LRP1B: variants seen among roughly 807,000 people sequenced by gnomAD.
LRP1B encodes the protein low-density lipoprotein receptor-related protein 1B.
Under a neutral mutation model 556.6 loss-of-function variants are expected in LRP1B, and 217 were observed. That is an observed-to-expected ratio of 0.39 (90% confidence interval 0.35 to 0.44). LRP1B has a LOEUF of 0.44. LRP1B is among the 20% of genes least tolerant of loss of function. The pLI is 1.00. For synonymous variants in LRP1B, 2,047 were observed against 1,865.8 expected (o/e 1.10, Z -2.50); for missense variants, 5,053 against 5,620.8 (o/e 0.90, Z 3.23).
At position 140,516,970 on chromosome 2, in the gene LRP1B, G is replaced by A. The variant is rs2104939424; in HGVS notation, c.8068C>T (p.Pro2690Ser). Residue 2690 changes from proline (P) to serine (S), a missense_variant, in exon 50 of 91, where the codon CCT (proline) becomes TCT (serine). This residue lies in a region of LRP1B where 3,619 missense variants were observed against 3,931.9 expected (regional missense o/e 0.92). Coordinates refer to ENST00000389484, the MANE Select transcript of LRP1B (RefSeq NM_018557.3). ...HKCEENYFSC[P>S]SGRCILNTWI... ...GTATTCAAAATGCATCTTCCACTAGGACAACTAAAATAATTTTCTTCACAT... is the reference window on the plus strand; with the variant it reads ...GTATTCAAAATGCATCTTCCACTAGAACAACTAAAATAATTTTCTTCACAT... 6.2e-7 allele frequency: 1 copy of A among 1,600,242 alleles called. No individual in the cohort carries two copies. The highest frequency in any genetic ancestry group is 8.6e-7 in the Non-Finnish European group (1 of 1,167,616).
intron 35 of LRP1B, among the ~76,000 whole-genome samples, chr2:140,740,202 A>G (rs1688090264): frequency 6.6e-6 from 1 of 152,186 alleles, no homozygotes; most frequent in African/African-American, 2.4e-5. Context: ...TCATTATAAA[A>G]AGAGATCATA....
At position 141,019,943 on chromosome 2, in the gene LRP1B, A is replaced by T. The variant is rs1427245386; in HGVS notation, c.1949T>A (p.Ile650Asn). 1 of 1,604,242 alleles carries T rather than the reference A, an allele frequency of 6.2e-7. No homozygotes were observed. Among genetic ancestry groups the T allele is most frequent in the African/African-American group, 1.3e-5 (1 of 74,544 alleles). ...LEGEMSHPRGIVVDPVNGWMY... is the reference protein window; with the variant it reads ...LEGEMSHPRGNVVDPVNGWMY... Reference sequence around the variant, plus strand: ...ATACCCATTAACTGGATCCACCACAATTCCTCTGGGATGAGACATTTCACC... The same window carrying T: ...ATACCCATTAACTGGATCCACCACATTTCCTCTGGGATGAGACATTTCACC... The change falls in exon 12 of 91, where the codon ATT becomes AAT. Residue 650 changes from isoleucine to asparagine, a missense_variant. By Grantham distance (149) the Ile-to-Asn change is moderately radical. This residue lies in a region of LRP1B where 3,619 missense variants were observed against 3,931.9 expected (regional missense o/e 0.92). Coordinates refer to ENST00000389484, the MANE Select transcript of LRP1B (RefSeq NM_018557.3).
At chr2:142,106,879 C>T (rs1179932548) in intron 1 of LRP1B, among the ~76,000 whole-genome samples, 4 of 152,090 alleles carry the variant, frequency 2.6e-5, no homozygotes, top group Admixed American at 2.6e-4. Flanking sequence ...TATGTGATCA[C>T]ATGTTAGCTC....
intron 49 of LRP1B, among the ~76,000 whole-genome samples, chr2:140,522,051 A>C (rs1690203153): frequency 6.6e-6 from 1 of 152,066 alleles, no homozygotes. Flanking sequence ...ACTAACAAGG[A>C]AATTCTGAAT....
At chr2:141,623,502 T>G (rs771257228) in intron 2 of LRP1B, among the ~76,000 whole-genome samples, 8 of 152,192 alleles carry the variant, frequency 5.3e-5, no homozygotes, top group Non-Finnish European at 8.8e-5. Flanking sequence ...TCTAATTTCT[T>G]GATAGCAATC....
intron 14 of LRP1B, among the ~76,000 whole-genome samples, chr2:141,012,058 G>A (rs1336259647): frequency 6.6e-6 from 1 of 151,938 alleles, no homozygotes; most frequent in Non-Finnish European, 1.5e-5. Flanking sequence ...AATGTTATGA[G>A]GAAAGTATTT....
Position 141,188,486 on chromosome 2 carries a change from T to C in LRP1B, c.948A>G (p.Val316=). ...GCTCCAGATCAATCAGGGTGACACA[T>C]ACAGAACCGTTGGAATTACAAACAA... The part of the protein sequence containing the change: ...RIFVCNSNGS[V]CVTLIDLELH... Residue 316 remains valine, a synonymous_variant, in exon 7 of 91, where the codon GTA becomes GTG. Transcript: ENST00000389484. 6.2e-7 allele frequency: 1 copy of C among 1,612,742 alleles called. No individual in the cohort carries two copies. The highest frequency in any genetic ancestry group is 8.5e-7 in the Non-Finnish European group (1 of 1,179,198).
chr2:141,300,580 T>C (rs1686352545), intron 3 of LRP1B, among the ~76,000 whole-genome samples: 1 of 152,140 alleles, frequency 6.6e-6, no homozygotes, highest in South Asian at 2.1e-4. Context: ...ATCATTGGGG[T>C]GGTTTCTCAT....
chr2:140,931,150 T>G (rs1218117342), intron 20 of LRP1B, among the ~76,000 whole-genome samples: 1 of 152,166 alleles, frequency 6.6e-6, no homozygotes, highest in African/African-American at 2.4e-5. Flanking sequence ...GCCTACCTAA[T>G]GTAGTATGAT....
intron 2 of LRP1B, among the ~76,000 whole-genome samples, chr2:141,766,444 C>T (rs1694735416): frequency 1.3e-5 from 2 of 152,190 alleles, no homozygotes; most frequent in Admixed American, 1.3e-4. Context: ...CTAATGTCCT[C>T]ATCACTAAAA....
chr2:140,623,974 A>ATATATATATATATATATATATATATG (rs1683558863), intron 41 of LRP1B, among the ~76,000 whole-genome samples: 1 of 139,550 alleles, frequency 7.2e-6, no homozygotes, highest in Non-Finnish European at 1.6e-5. Context: ...ATATATATAT[A>ATATATATATATATATATATATATATG]GCTTAGTTGT....
intron 3 of LRP1B, among the ~76,000 whole-genome samples, chr2:141,269,160 T>C (rs1278932127): frequency 6.6e-6 from 1 of 152,146 alleles, no homozygotes; most frequent in East Asian, 1.9e-4. Flanking sequence ...ATGGGAAAGC[T>C]CAAGCCTAAA....
chr2:140,515,712 T>C (rs534813757), intron 50 of LRP1B, among the ~76,000 whole-genome samples: 53 of 152,088 alleles, frequency 3.5e-4, no homozygotes, highest in African/African-American at 1.2e-3. Context: ...ATGGCCAGTG[T>C]TCAGAAATTA....
intron 7 of LRP1B, among the ~76,000 whole-genome samples, chr2:141,173,392 A>G (rs1366436646): frequency 6.6e-6 from 1 of 152,068 alleles, no homozygotes; most frequent in Non-Finnish European, 1.5e-5. Context: ...GACTATGTTC[A>G]GATAGCCATT....
At chr2:140,827,468 G>C (rs4008763) in intron 31 of LRP1B, among the ~76,000 whole-genome samples, 60,787 of 151,522 alleles carry the variant, frequency 0.4, 14,370 homozygotes, top group Non-Finnish European at 0.53. Flanking sequence ...TGAGAAACAA[G>C]TTTCCTGAAC....
chr2:140,834,631 A>G (rs1691837998), intron 31 of LRP1B, among the ~76,000 whole-genome samples: 1 of 152,232 alleles, frequency 6.6e-6, no homozygotes, highest in African/African-American at 2.4e-5. Context: ...ACTGTCAAGA[A>G]GAAAGTCAGC....
chr2:141,429,676 G>T (rs1289528003), intron 3 of LRP1B, among the ~76,000 whole-genome samples: 1 of 152,026 alleles, frequency 6.6e-6, no homozygotes, highest in Non-Finnish European at 1.5e-5. Flanking sequence ...AGTGTGTGTT[G>T]TTCCTCCCAT....
intron 3 of LRP1B, among the ~76,000 whole-genome samples, chr2:141,323,921 C>CCACACACACACA (rs57844457): frequency 1.2e-4 from 16 of 129,900 alleles, no homozygotes; most frequent in South Asian, 2.6e-4. Context: ...AACGAGGAAA[C>CCACACACACACA]CACACACACA....
chr2:140,427,192 T>C (rs1685697850), intron 66 of LRP1B, among the ~76,000 whole-genome samples: 1 of 152,320 alleles, frequency 6.6e-6, no homozygotes, highest in African/African-American at 2.4e-5. Flanking sequence ...TCTCTGATTA[T>C]TCACCCATGT....
Sources: gnomAD v4.1 joint callset for allele counts (sites outside exome capture counted in the v4.1 genomes callset) on GRCh38, gnomAD v4.1.1 for gene constraint, gnomAD v4.1.1 regional missense constraint, MANE v1.5 for transcripts, NCBI Gene and HGNC (gene_info 2026-07-23, HGNC 2026-07-21) for gene names.